RBM26: variants seen among roughly 807,000 people sequenced by gnomAD.
RBM26 encodes RNA-binding protein 26.
RBM26 carries 30 observed loss-of-function variants against 123.6 expected under a neutral mutation model. The observed-to-expected ratio is 0.24, with a 90% CI of 0.18 to 0.33. The LOEUF (loss-of-function observed/expected upper bound fraction) is 0.33, where lower values mean the gene tolerates loss of function less well. Ranked by LOEUF, RBM26 falls within the 10% of genes least tolerant of loss-of-function variation. The probability of loss-of-function intolerance (pLI) is 1.00; values close to 1 mark genes in which losing one functional copy is unlikely to be tolerated. For missense variants in RBM26, 947 were observed against 1,203.6 expected (o/e 0.79, Z 3.15); for synonymous variants, 400 against 404.4 (o/e 0.99, Z 0.13).
At chr13:79,333,448 G>A (rs2069759906) in intron 20 of RBM26, among the ~76,000 whole-genome samples, 1 of 152,152 alleles carries the variant, frequency 6.6e-6, no homozygotes, top group Admixed American at 6.5e-5. Context: ...CCACTGTGCT[G>A]GCAGAGAACA....
intron 1 of RBM26, among the ~76,000 whole-genome samples, chr13:79,387,644 T>G (rs1031809612): frequency 1.3e-5 from 2 of 152,092 alleles, no homozygotes; most frequent in Non-Finnish European, 2.9e-5. Flanking sequence ...TTCACCACCT[T>G]GCGCTCTTTC....
At chr13:79,318,143 C>T (rs940812717), downstream of RBM26, among the ~76,000 whole-genome samples, 6 of 151,320 alleles carry the variant, frequency 4.0e-5, no homozygotes, top group Non-Finnish European at 7.4e-5. Flanking sequence ...ACCAAGTAGT[C>T]TGCTAATTTT....
At chr13:79,366,315 T>G (rs1196098252) in intron 7 of RBM26, 120 bp from the exon 8 acceptor site, 2 of 1,105,436 alleles carry the variant, frequency 1.8e-6, no homozygotes, top group Admixed American at 5.8e-5. Context: ...ACCAAGCCCT[T>G]ACAACTGAAT....
intron 1 of RBM26, among the ~76,000 whole-genome samples, chr13:79,381,401 A>G (rs1390878767): frequency 6.7e-6 from 1 of 149,846 alleles, no homozygotes; most frequent in Non-Finnish European, 1.5e-5. Flanking sequence ...CAAGCTAAAC[A>G]TATTTCAATT....
intron 20 of RBM26, among the ~76,000 whole-genome samples, chr13:79,327,348 T>A (rs1593945865): frequency 2.0e-5 from 3 of 148,484 alleles, no homozygotes; most frequent in Middle Eastern, 3.5e-3. Context: ...TGAAACAGAG[T>A]CATTTGTATT....
chr13:79,358,916 C>T (rs1039217383), intron 10 of RBM26, among the ~76,000 whole-genome samples: 4 of 152,120 alleles, frequency 2.6e-5, no homozygotes, highest in South Asian at 2.1e-4. Context: ...ATAAAGAATA[C>T]ATTTTGACAC....
intron 1 of RBM26, among the ~76,000 whole-genome samples, chr13:79,400,387 GGCAGAAGTCAGAGGTCTCCCATA>G (rs149297976): frequency 0.028 from 4,324 of 152,232 alleles, 171 homozygotes; most frequent in African/African-American, 0.085. Context: ...TTCCTCCCAT[GGCAGAAGTCAGAGGTCTCCCATA>G]GCAGAAGTCA....
intron 20 of RBM26, among the ~76,000 whole-genome samples, chr13:79,325,515 A>T (rs1028712831): frequency 6.6e-6 from 1 of 152,188 alleles, no homozygotes; most frequent in Admixed American, 6.6e-5. Flanking sequence ...AGTAAAACAT[A>T]AAAAAATGTT....
At chr13:79,351,435 T>C (rs1380496353) in intron 14 of RBM26, among the ~76,000 whole-genome samples, 1 of 152,126 alleles carries the variant, frequency 6.6e-6, no homozygotes, top group Non-Finnish European at 1.5e-5. Flanking sequence ...TCAACGAGGA[T>C]AAACCTAATC....
At position 79,355,241 on chromosome 13, in the gene RBM26, C is replaced by T; in HGVS notation, c.1833G>A (p.Gln611=). Residue 611 remains glutamine (Q), a synonymous_variant, in exon 12 of 22, where the codon CAG becomes CAA. Transcript: ENST00000438737. ...TTACCTTTGGAGAAGTAGTTTGTAA[C>T]TGTTGGGTGCTTCCTTCTCTGTGCC... is the stretch of plus-strand genomic sequence containing the variant. ...VYWHREGSTQ[Q]LQTTSPKVMQ... 1 of 1,613,890 alleles carries T rather than the reference C, an allele frequency of 6.2e-7. No individual in the cohort carries two copies. Among genetic ancestry groups the T allele is most frequent in the Non-Finnish European group, 8.5e-7 (1 of 1,179,842 alleles).
intron 3 of RBM26, among the ~76,000 whole-genome samples, chr13:79,375,096 T>TTATATATTATATAAATATATATTTA (rs1555332782): frequency 1.0e-5 from 1 of 95,292 alleles, no homozygotes; most frequent in Admixed American, 1.4e-4. Context: ...AAATATATAT[T>TTATATATTATATAAATATATATTTA]TATATATATC....
intron 1 of RBM26, among the ~76,000 whole-genome samples, chr13:79,404,572 G>T (rs1319149503): frequency 6.6e-6 from 1 of 152,100 alleles, no homozygotes; most frequent in Non-Finnish European, 1.5e-5. Context: ...CTCATCACAA[G>T]GCTCTTTCCA....
At chr13:79,386,748 C>G (rs1358838567) in intron 1 of RBM26, among the ~76,000 whole-genome samples, 1 of 151,762 alleles carries the variant, frequency 6.6e-6, no homozygotes, top group African/African-American at 2.4e-5. Flanking sequence ...CACTCCATTA[C>G]TCACATTCTG....
intron 13 of RBM26, 105 bp downstream of exon 13, chr13:79,354,334 A>T (rs2073697169): frequency 2.0e-6 from 2 of 1,011,452 alleles, no homozygotes; most frequent in African/African-American, 1.7e-5. Flanking sequence ...AAAGACTATC[A>T]TATTTCTATG....
intron 1 of RBM26, among the ~76,000 whole-genome samples, chr13:79,380,964 T>A (rs940892781): frequency 4.6e-5 from 7 of 152,130 alleles, no homozygotes; most frequent in Admixed American, 4.6e-4. Context: ...TTCAAAAGAA[T>A]GATATAATTG....
intron 14 of RBM26, among the ~76,000 whole-genome samples, chr13:79,348,185 T>C (rs1276248529): frequency 6.6e-6 from 1 of 152,122 alleles, no homozygotes; most frequent in African/African-American, 2.4e-5. Flanking sequence ...GATATTTGTG[T>C]CTATGTTCAT....
At chr13:79,377,176 CT>C in intron 3 of RBM26, 1 of 466,560 alleles carries the variant, frequency 2.1e-6, no homozygotes, top group Non-Finnish European at 3.8e-6. Flanking sequence ...CATTTGCTGA[CT>C]TTGCTTTATA....
Position 79,319,013 on chromosome 13 carries a change from T to C in RBM26, c.*1608A>G. 1.0e-6 allele frequency: 1 copy of C among 982,862 alleles called. No individual in the cohort carries two copies. The highest frequency in any genetic ancestry group is 5.2e-4 in the Middle Eastern group (1 of 1,912). The allele number at this position is 982,862 out of a possible 1,614,324, so 60.9% of individuals were successfully genotyped here. A position where few individuals can be genotyped will look rare whatever the true frequency, so the allele number is the denominator to read the frequency against. The stretch of plus-strand genomic sequence containing the variant: ...AGTGACTTTTTGAGCAAAGTCACTA[T>C]TTTGACAACTGAAATCTGATTTTGA... On this transcript the variant is annotated 3_prime_UTR_variant, in exon 22 of 22. Coordinates refer to ENST00000438737, the MANE Select transcript of RBM26 (RefSeq NM_001366735.2).
chr13:79,364,707 T>G (rs1408374281), intron 9 of RBM26, among the ~76,000 whole-genome samples: 1 of 152,110 alleles, frequency 6.6e-6, no homozygotes, highest in Admixed American at 6.5e-5. Context: ...ACTCTAGATG[T>G]AGGGCACTTT....
Sources: allele counts gnomAD v4.1 joint callset (sites outside exome capture counted in the v4.1 genomes callset), GRCh38; gene constraint gnomAD v4.1.1; transcripts MANE v1.5; gene names NCBI Gene and HGNC (gene_info 2026-07-23, HGNC 2026-07-21).